CDH3: variants seen among roughly 807,000 people sequenced by gnomAD.
CDH3 encodes cadherin-3.
Under a neutral mutation model 82.0 loss-of-function variants are expected in CDH3, and 54 were observed. The ratio of observed to expected loss-of-function variants is 0.66; its 90% CI spans 0.53 to 0.83. The LOEUF (loss-of-function observed/expected upper bound fraction) is 0.83. Ranked by LOEUF, CDH3 falls within the 40% of genes least tolerant of loss-of-function variation. The pLI is 0.00. For synonymous variants in CDH3, 446 were observed against 437.9 expected (o/e 1.02, Z -0.23); for missense variants, 1,054 against 1,084.6 (o/e 0.97, Z 0.40).
chr16:68,713,887 T>C (rs931878299), intron 1 of CDH3, among the ~76,000 whole-genome samples: 1 of 151,614 alleles, frequency 6.6e-6, no homozygotes, highest in Admixed American at 6.6e-5. Context: ...TCTCACCCCA[T>C]CCCTGCCCAA....
downstream of CDH3, among the ~76,000 whole-genome samples, chr16:68,731,070 ATATATAT>A (rs1400878294): frequency 1.6e-5 from 2 of 122,228 alleles, no homozygotes; most frequent in East Asian, 4.6e-4. Flanking sequence ...ATATATATAT[ATATATAT>A]AATTATAAAA....
In CDH3 at chr16:68,682,370, C is replaced by T. The variant is rs766592847; in HGVS notation, c.1065C>T (p.Asp355=). The change falls in exon 9 of 16, where the codon GAC becomes GAT. Residue 355 remains aspartate (D), a synonymous_variant. Coordinates refer to ENST00000264012, the MANE Select transcript of CDH3 (RefSeq NM_001793.6). The part of the protein sequence containing the change: ...EVQRLTVTDL[D]APNSPAWRAT... Reference sequence around the variant, plus strand: ...AGAGGCTGACGGTCACTGATCTGGACGCCCCCAACTCACCAGCGTGGCGTG... The same window carrying T: ...AGAGGCTGACGGTCACTGATCTGGATGCCCCCAACTCACCAGCGTGGCGTG... The T allele has an allele frequency of 2.0e-5, 33 of 1,613,908 alleles. No homozygotes were observed. Among genetic ancestry groups the T allele is most frequent in the South Asian group, 4.4e-5 (4 of 91,086 alleles).
chr16:68,654,959 C>T (rs981296224), intron 2 of CDH3, among the ~76,000 whole-genome samples: 2 of 151,984 alleles, frequency 1.3e-5, no homozygotes, highest in Admixed American at 1.3e-4. Flanking sequence ...TTGCTTGAGC[C>T]TGGGAGGCGG....
At position 68,645,350 on chromosome 16, in the gene CDH3, G is replaced by A. The variant is rs1163469493; in HGVS notation, c.-30G>A. Reference sequence around the variant, plus strand: ...GAGCGGAACACCGGCCCGCCGTCGCGGCAGCTGCTTCACCCCTCTCTCTGC... The same window carrying A: ...GAGCGGAACACCGGCCCGCCGTCGCAGCAGCTGCTTCACCCCTCTCTCTGC... On this transcript the variant is annotated 5_prime_UTR_variant, in exon 1 of 16. Transcript: ENST00000264012. The A allele has an allele frequency of 6.2e-7, 1 of 1,610,792 alleles. No individual in the cohort carries two copies. Among genetic ancestry groups the A allele is most frequent in the South Asian group, 1.1e-5 (1 of 90,878 alleles).
chr16:68,686,376 G>T, intron 11 of CDH3: 1 of 1,186,442 alleles, frequency 8.4e-7, no homozygotes, highest in Admixed American at 1.7e-5. Flanking sequence ...GGTGGAGGGA[G>T]TCATGGCAGG....
rs1437840977 is a variant in CDH3, at chr16:68,698,491, C to A, written c.*91C>A. ...CCCCCTTCAGCTGAGGACTTCGGAG[C>A]TTGTCAGGAAGTGGCCGTAGCAACT... On this transcript the variant is annotated 3_prime_UTR_variant, in exon 16 of 16. Coordinates refer to ENST00000264012, the MANE Select transcript of CDH3 (RefSeq NM_001793.6). The A allele has an allele frequency of 2.4e-6, 3 of 1,225,162 alleles. No homozygotes were observed. The highest frequency in any genetic ancestry group is 3.6e-6 in the Non-Finnish European group (3 of 840,726). The allele number at this position is 1,225,162 out of a possible 1,614,324, so 75.9% of individuals were successfully genotyped here.
intron 1 of CDH3, among the ~76,000 whole-genome samples, chr16:68,720,276 A>G (rs77547360): frequency 2.0e-5 from 3 of 152,210 alleles, no homozygotes; most frequent in Admixed American, 6.5e-5. Context: ...AAAAAAAAAA[A>G]AGAGAAAGAA....
At chr16:68,730,370 C>T (rs9989397), downstream of CDH3, among the ~76,000 whole-genome samples, 121,525 of 150,736 alleles carry the variant, frequency 0.81, 49,653 homozygotes, top group Non-Finnish European at 0.89. Flanking sequence ...CTACTAAAAC[C>T]ACAAAATTAG....
rs33992366 is a variant in CDH3 at position 68,684,067 on chromosome 16, C to CAAA, written c.1183-501_1183-499dup. ...GGATGACAGAGCGAGACTCCGTCTC[C>CAAA]AAAAAAAAAAAAAAAAAGCTGGGTG... is the stretch of plus-strand genomic sequence containing the variant. On this transcript the variant is annotated intron_variant, in intron 9 of 15. Coordinates refer to ENST00000264012, the MANE Select transcript of CDH3 (RefSeq NM_001793.6). 3.2e-3 allele frequency among the ~76,000 whole-genome samples: 386 copies of CAAA among 119,644 alleles called. 10 individuals are homozygous for CAAA. The highest frequency in any genetic ancestry group is 0.013 in the East Asian group (53 of 4,044). The allele number at this position is 119,644 out of a possible 152,430, so 78.5% of individuals were successfully genotyped here. A position where few individuals can be genotyped will look rare whatever the true frequency, so the allele number is the denominator to read the frequency against.
Position 68,698,237 on chromosome 16 carries a change from C to A in CDH3, c.2327C>A (p.Thr776Asn). ...GACCCCACAGCCCCGCCCTACGACA[C>A]CCTCTTGGTGTTCGACTATGAGGGC... ...NTDPTAPPYDTLLVFDYEGSG... is the reference protein window; with the variant it reads ...NTDPTAPPYDNLLVFDYEGSG... The change falls in exon 16 of 16, where the codon ACC (threonine) becomes AAC (asparagine). Residue 776 changes from threonine (T) to asparagine (N), a missense_variant. By Grantham distance (65) the Thr-to-Asn change is moderately conservative. Coordinates refer to ENST00000264012, the MANE Select transcript of CDH3 (RefSeq NM_001793.6). 1 of 1,614,260 alleles carries A rather than the reference C, an allele frequency of 6.2e-7. No individual in the cohort carries two copies. The highest frequency in any genetic ancestry group is 8.5e-7 in the Non-Finnish European group (1 of 1,180,048).
chr16:68,718,960 C>T (rs1210898854), intron 1 of CDH3, among the ~76,000 whole-genome samples: 2 of 151,906 alleles, frequency 1.3e-5, no homozygotes, highest in Admixed American at 6.6e-5. Flanking sequence ...AAAACGGGGC[C>T]GGGCGCGGTG....
At chr16:68,676,600 G>C in intron 3 of CDH3, 130 bp downstream of exon 3, 1 of 725,932 alleles carries the variant, frequency 1.4e-6, no homozygotes, top group Non-Finnish European at 2.5e-6. Context: ...GGTAGTGTTA[G>C]TCCTCAGCTG....
chr16:68,647,356 A>C (rs1400085984), intron 2 of CDH3, among the ~76,000 whole-genome samples: 1 of 149,850 alleles, frequency 6.7e-6, no homozygotes, highest in Non-Finnish European at 1.5e-5. Flanking sequence ...TGAAGCAAGA[A>C]ATATCAGATT....
chr16:68,732,048 A>C (rs2152112615), downstream of CDH3, among the ~76,000 whole-genome samples: 1 of 130,310 alleles, frequency 7.7e-6, no homozygotes, highest in African/African-American at 2.8e-5. Context: ...TTGAAATAAA[A>C]CTGTTTTTTT....
At chr16:68,712,502 G>T (rs908667986) in intron 1 of CDH3, among the ~76,000 whole-genome samples, 1 of 152,168 alleles carries the variant, frequency 6.6e-6, no homozygotes, top group East Asian at 1.9e-4. Flanking sequence ...GTAGTCTATG[G>T]GTACATTTTC....
chr16:68,724,068 CA>C (rs55897906), intron 2 of CDH3, among the ~76,000 whole-genome samples: 37,330 of 112,444 alleles, frequency 0.33, 6,798 homozygotes, highest in African/African-American at 0.45. Flanking sequence ...GACTCCGTCT[CA>C]AAAAAAAAAA....
At chr16:68,663,633 A>G (rs1960657878) in intron 2 of CDH3, among the ~76,000 whole-genome samples, 1 of 152,010 alleles carries the variant, frequency 6.6e-6, no homozygotes, top group African/African-American at 2.4e-5. Flanking sequence ...TTTATACTAA[A>G]GATGATGTTG....
At chr16:68,669,768 G>A (rs930340787) in intron 2 of CDH3, among the ~76,000 whole-genome samples, 4 of 152,120 alleles carry the variant, frequency 2.6e-5, no homozygotes, top group African/African-American at 9.7e-5. Flanking sequence ...TGACAGAATT[G>A]TCTGGTTAGC....
At chr16:68,646,001 G>A (rs1960048034) in intron 2 of CDH3, 1 of 535,968 alleles carries the variant, frequency 1.9e-6, no homozygotes, top group Non-Finnish European at 3.3e-6. Context: ...CCTCCGAGAT[G>A]CCGGATGGCT....
Sources: gnomAD v4.1 joint callset for allele counts (sites outside exome capture counted in the v4.1 genomes callset) on GRCh38, gnomAD v4.1.1 for gene constraint, MANE v1.5 for transcripts, NCBI Gene and HGNC (gene_info 2026-07-23, HGNC 2026-07-21) for gene names.